Variants in RNF24 observed in about 807,000 individuals in gnomAD.
RNF24 encodes the protein ring finger protein 24.
A neutral mutation model predicts 20.0 loss-of-function variants in RNF24; 14 were observed. The ratio of observed to expected loss-of-function variants is 0.70; its 90% CI spans 0.46 to 1.10. The LOEUF (loss-of-function observed/expected upper bound fraction) is 1.10, where lower values mean the gene tolerates loss of function less well. Among genes scored for constraint, RNF24 ranks in the 50% least tolerant of loss-of-function variants. The pLI is 0.00. For missense variants in RNF24, 124 were observed against 177.6 expected, an observed-to-expected ratio of 0.70 and a Z score of 1.71; for synonymous variants, 45 against 61.1, an observed-to-expected ratio of 0.74 and a Z score of 1.23.
chr20:3,962,325 A>G (rs1169584032), intron 2 of RNF24, among the ~76,000 whole-genome samples: 1 of 152,130 alleles, frequency 6.6e-6, no homozygotes, highest in East Asian at 1.9e-4. Context: ...CTGCACTCCA[A>G]CCTAGGTAAC....
chr20:3,971,057 AAAC>A (rs752141234), intron 1 of RNF24, among the ~76,000 whole-genome samples: 9 of 152,202 alleles, frequency 5.9e-5, no homozygotes, highest in Non-Finnish European at 1.2e-4. Flanking sequence ...CTGAAAACTA[AAAC>A]AACAACAACA....
At chr20:3,998,319 A>T (rs1344808386) in intron 1 of RNF24, among the ~76,000 whole-genome samples, 1 of 152,064 alleles carries the variant, frequency 6.6e-6, no homozygotes, top group African/African-American at 2.4e-5. Context: ...TCACGCCTGT[A>T]ATCCCAGCAC....
At chr20:3,968,838 G>A (rs934433515) in intron 1 of RNF24, among the ~76,000 whole-genome samples, 2 of 151,858 alleles carry the variant, frequency 1.3e-5, no homozygotes, top group African/African-American at 4.8e-5. Flanking sequence ...TTAAAAATAA[G>A]ACCTATATTT....
chr20:3,997,082 C>T (rs970517162), intron 1 of RNF24, among the ~76,000 whole-genome samples: 2 of 151,332 alleles, frequency 1.3e-5, no homozygotes, highest in African/African-American at 4.9e-5. Flanking sequence ...AAAAATTAGC[C>T]AGGCGTGGTG....
chr20:3,958,304 T>C (rs1372798065), intron 2 of RNF24, among the ~76,000 whole-genome samples: 1 of 152,028 alleles, frequency 6.6e-6, no homozygotes, highest in Non-Finnish European at 1.5e-5. Context: ...CATACCAAAA[T>C]CTCTATCTTA....
At chr20:3,994,868 C>G (rs941426139) in intron 1 of RNF24, among the ~76,000 whole-genome samples, 1 of 152,140 alleles carries the variant, frequency 6.6e-6, no homozygotes, top group African/African-American at 2.4e-5. Context: ...ATAAACTGCA[C>G]GTACTAAAAG....
At chr20:3,972,773 C>T (rs565882857) in intron 1 of RNF24, among the ~76,000 whole-genome samples, 29 of 151,972 alleles carry the variant, frequency 1.9e-4, no homozygotes, top group Non-Finnish European at 3.5e-4. Context: ...CGTGGTGGCA[C>T]GCACCTGTAG....
intron 1 of RNF24, among the ~76,000 whole-genome samples, chr20:3,972,774 G>A (rs1448266224): frequency 6.6e-6 from 1 of 151,984 alleles, no homozygotes; most frequent in African/African-American, 2.4e-5. Flanking sequence ...GTGGTGGCAC[G>A]CACCTGTAGT....
chr20:3,937,967 T>C (rs2090911765), intron 4 of RNF24, among the ~76,000 whole-genome samples: 1 of 152,242 alleles, frequency 6.6e-6, no homozygotes, highest in Non-Finnish European at 1.5e-5. Flanking sequence ...CTTTTGGGTA[T>C]GTATCAAGGA....
At chr20:3,960,523 C>T (rs753453379) in intron 2 of RNF24, among the ~76,000 whole-genome samples, 3 of 151,980 alleles carry the variant, frequency 2.0e-5, no homozygotes, top group Non-Finnish European at 4.4e-5. Flanking sequence ...CAAAATTTAG[C>T]TGGGCGTGGT....
chr20:3,965,177 T>C (rs6052196), intron 1 of RNF24, among the ~76,000 whole-genome samples: 20,290 of 152,096 alleles, frequency 0.13, 1,527 homozygotes, highest in Non-Finnish European at 0.17. Context: ...AGACCAAAGA[T>C]TGACAATGGA....
intron 1 of RNF24, among the ~76,000 whole-genome samples, chr20:3,988,135 C>A (rs1489384086): frequency 2.0e-5 from 3 of 151,932 alleles, no homozygotes; most frequent in Non-Finnish European, 4.4e-5. Flanking sequence ...CCAGACTGGA[C>A]AACATGGCAA....
At chr20:3,994,226 G>T (rs949679054) in intron 1 of RNF24, among the ~76,000 whole-genome samples, 2 of 152,112 alleles carry the variant, frequency 1.3e-5, no homozygotes, top group Non-Finnish European at 2.9e-5. Flanking sequence ...AAAACATCCT[G>T]AAATAAAGAG....
In RNF24 at chr20:3,981,861, G is replaced by A. The variant is rs1036053670; in HGVS notation, c.-7-17837C>T. Among the ~76,000 whole-genome samples the A allele has an allele frequency of 1.2e-4, 18 of 152,204 alleles. No homozygotes were observed. In the East Asian group the frequency reaches 3.3e-3, roughly 28 times the overall value. On this transcript the variant is annotated intron_variant, in intron 1 of 5. Coordinates refer to ENST00000358395, the MANE Select transcript of RNF24 (RefSeq NM_001134337.3). ...GGGCCGGGCACACTAACTCACGCCTGTAATCCCAGCACTTGGGGAGGCAGA... is the reference window on the plus strand; with the variant it reads ...GGGCCGGGCACACTAACTCACGCCTATAATCCCAGCACTTGGGGAGGCAGA...
chr20:3,932,917 CG>C lies in RNF24; in HGVS notation c.*1145del, dbSNP rs1479192506. ...ATAAAGACACTTTCACTTTCAGTTT[CG>C]GAAGTCCAAATACTGAGGCACACAC... On this transcript the variant is annotated 3_prime_UTR_variant, in exon 6 of 6. Transcript: ENST00000358395. 2 of 398,480 alleles carry C rather than the reference CG, an allele frequency of 5.0e-6. No homozygotes were observed. The highest frequency in any genetic ancestry group is 8.8e-6 in the Non-Finnish European group (2 of 226,070). 24.7% of individuals were successfully genotyped at this position (398,480 alleles called of 1,614,324 possible). A position where few individuals can be genotyped will look rare whatever the true frequency, so the allele number is the denominator to read the frequency against.
chr20:3,954,402 A>G (rs781609696), intron 2 of RNF24, among the ~76,000 whole-genome samples: 1 of 152,196 alleles, frequency 6.6e-6, no homozygotes, highest in Non-Finnish European at 1.5e-5. Flanking sequence ...TGGTTGTAGT[A>G]TGTATCAGTA....
In RNF24 at chr20:4,008,376, A is replaced by ATAATATG. The variant is rs1555803316; in HGVS notation, c.-8+7060_-8+7061insCATATTA. 1.4e-3 allele frequency among the ~76,000 whole-genome samples: 49 copies of ATAATATG among 35,638 alleles called. 1 individual carries two copies. Among genetic ancestry groups the ATAATATG allele is most frequent in the African/African-American group, 2.9e-3 (19 of 6,600 alleles). The allele number at this position is 35,638 out of a possible 152,430, so 23.4% of individuals were successfully genotyped here. Reference sequence around the variant, plus strand: ...AATATGTATAATATATATATTATATATATAATATATATATTATATATGTAA... The same window carrying ATAATATG: ...AATATGTATAATATATATATTATATATAATATGTATAATATATATATTATATATGTAA... On this transcript the variant is annotated intron_variant, in intron 1 of 5. Coordinates refer to ENST00000358395, the MANE Select transcript of RNF24 (RefSeq NM_001134337.3).
intron 1 of RNF24, among the ~76,000 whole-genome samples, chr20:4,010,872 A>G (rs949534294): frequency 6.6e-6 from 1 of 152,202 alleles, no homozygotes; most frequent in African/African-American, 2.4e-5. Context: ...TTAAAACACA[A>G]TGCTCAAGAT....
chr20:3,929,281 GT>G lies in RNF24; in HGVS notation c.*4781del, dbSNP rs1280642712. ...TAGCCAGGTGTGCTGGTGTGCACCT[GT>G]AGACGCAGCTACAGACTGAGGCGGG... On this transcript the variant is annotated 3_prime_UTR_variant, in exon 6 of 6. Transcript: ENST00000358395. The G allele has an allele frequency of 1.3e-5, 2 of 152,294 alleles. No homozygotes were observed. The highest frequency in any genetic ancestry group is 2.9e-5 in the Non-Finnish European group (2 of 68,114). The allele number at this position is 152,294 out of a possible 1,614,324, so 9.4% of individuals were successfully genotyped here.
Sources: allele counts gnomAD v4.1 joint callset (sites outside exome capture counted in the v4.1 genomes callset), GRCh38; gene constraint gnomAD v4.1.1; transcripts MANE v1.5; gene names NCBI Gene and HGNC (gene_info 2026-07-23, HGNC 2026-07-21).